The following KAT6B variants were observed in gnomAD, a reference collection of about 807,000 sequenced individuals.
KAT6B encodes lysine acetyltransferase 6B, also known as histone acetyltransferase KAT6B.
KAT6B carries 10 observed loss-of-function variants against 187.5 expected under a neutral mutation model. The observed-to-expected ratio is 0.05, with a 90% CI of 0.03 to 0.09. The LOEUF (loss-of-function observed/expected upper bound fraction) is 0.09. KAT6B is among the 10% of genes least tolerant of loss of function. The pLI is 1.00. For synonymous variants in KAT6B, 861 were observed against 926.8 expected, an observed-to-expected ratio of 0.93 and a Z score of 1.29; for missense variants, 1,952 against 2,558.9, an observed-to-expected ratio of 0.76 and a Z score of 5.12.
chr10:74,942,155 A>G (rs529740306), intron 3 of KAT6B, among the ~76,000 whole-genome samples: 2 of 152,172 alleles, frequency 1.3e-5, no homozygotes, highest in Admixed American at 6.5e-5. Flanking sequence ...GTCTCAAGAA[A>G]TAAAATAAAA....
At chr10:74,937,244 GC>G (rs1350669063) in intron 3 of KAT6B, among the ~76,000 whole-genome samples, 1 of 152,146 alleles carries the variant, frequency 6.6e-6, no homozygotes, top group East Asian at 1.9e-4. Flanking sequence ...AGCCAAATAT[GC>G]TGGAATTCAT....
At chr10:74,973,879 T>C (rs962107457) in intron 7 of KAT6B, among the ~76,000 whole-genome samples, 2 of 152,184 alleles carry the variant, frequency 1.3e-5, no homozygotes, top group Non-Finnish European at 2.9e-5. Flanking sequence ...CAGGGCCCAA[T>C]TAAAAAAACC....
At chr10:74,947,457 CT>C (rs1346113157) in intron 3 of KAT6B, among the ~76,000 whole-genome samples, 2 of 152,132 alleles carry the variant, frequency 1.3e-5, no homozygotes, top group African/African-American at 4.8e-5. Flanking sequence ...AATTTAGAAA[CT>C]GATAAGAAAG....
chr10:74,921,837 GT>G (rs1848157821), intron 3 of KAT6B, among the ~76,000 whole-genome samples: 1 of 152,232 alleles, frequency 6.6e-6, no homozygotes, highest in Non-Finnish European at 1.5e-5. Flanking sequence ...TGACAGCTCA[GT>G]TGCTTAGAGC....
chr10:74,967,035 T>TA (rs1841526871), intron 4 of KAT6B, among the ~76,000 whole-genome samples: 1 of 126,956 alleles, frequency 7.9e-6, no homozygotes, highest in African/African-American at 3.0e-5. Context: ...GTCTCAAAAA[T>TA]AAAAAAATAG....
At chr10:74,826,040 CCGCCCGCGCG>C, upstream of KAT6B, among the ~76,000 whole-genome samples, 2 of 151,610 alleles carry the variant, frequency 1.3e-5, no homozygotes, top group East Asian at 3.9e-4. Flanking sequence ...CTTCGCGTGC[CCGCCCGCGCG>C]CGCCCGCCCG....
At chr10:74,901,348 T>C (rs1846383724) in intron 3 of KAT6B, among the ~76,000 whole-genome samples, 1 of 152,260 alleles carries the variant, frequency 6.6e-6, no homozygotes, top group Non-Finnish European at 1.5e-5. Flanking sequence ...CTGTAAAGTA[T>C]GTAGTGACCT....
rs118126330 is a variant in KAT6B at position 74,840,328 on chromosome 10, T to A, written c.-259+1576T>A. On this transcript the variant is annotated intron_variant, in intron 2 of 17. Transcript: ENST00000287239. ...GGTTAAGAAACTGGGATATGAGTGG[T>A]CTAAGTTATGGCTGGAGGTAGCATG... Among the ~76,000 whole-genome samples, 200 of 152,314 alleles carry A rather than the reference T, an allele frequency of 1.3e-3. 3 individuals are homozygous for A. In the East Asian group the frequency reaches 0.028, roughly 22 times the overall value.
intron 3 of KAT6B, among the ~76,000 whole-genome samples, chr10:74,860,944 C>G (rs1409922692): frequency 6.6e-6 from 1 of 152,092 alleles, no homozygotes; most frequent in East Asian, 1.9e-4. Context: ...TCGAGACCAG[C>G]CTGACCAACA....
At chr10:74,994,264 T>G (rs992127875) in intron 13 of KAT6B, among the ~76,000 whole-genome samples, 9 of 152,222 alleles carry the variant, frequency 5.9e-5, no homozygotes, top group Admixed American at 4.6e-4. Context: ...TTACCATGAT[T>G]GATTTTGATG....
intron 3 of KAT6B, among the ~76,000 whole-genome samples, chr10:74,890,451 C>T (rs1564545259): frequency 6.6e-6 from 1 of 151,964 alleles, no homozygotes; most frequent in African/African-American, 2.4e-5. Context: ...CCAGCCTGGC[C>T]AACAATGCAA....
At chr10:74,828,384 G>T (rs1310033183) in intron 1 of KAT6B, among the ~76,000 whole-genome samples, 1 of 152,008 alleles carries the variant, frequency 6.6e-6, no homozygotes, top group African/African-American at 2.4e-5. Context: ...TGGACAGAAG[G>T]TGGAAATAGC....
chr10:74,955,427 G>C (rs1840617562), intron 3 of KAT6B, among the ~76,000 whole-genome samples: 1 of 142,128 alleles, frequency 7.0e-6, no homozygotes, highest in Admixed American at 7.2e-5. Flanking sequence ...GTAAAGATGA[G>C]GAAAAATTAT....
chr10:74,987,739 A>G (rs1325148740), intron 12 of KAT6B, among the ~76,000 whole-genome samples: 2 of 152,250 alleles, frequency 1.3e-5, no homozygotes, highest in Admixed American at 1.3e-4. Context: ...AAGGATCACT[A>G]CTATGTTGGA....
chr10:74,945,667 CTCCA>C (rs1839897337), intron 3 of KAT6B, among the ~76,000 whole-genome samples: 1 of 152,090 alleles, frequency 6.6e-6, no homozygotes, highest in Admixed American at 6.5e-5. Context: ...TCAGGCTGGT[CTCCA>C]ACTCCTGAGC....
chr10:74,908,544 C>T (rs1236176733), intron 3 of KAT6B, among the ~76,000 whole-genome samples: 15 of 114,992 alleles, frequency 1.3e-4, no homozygotes, highest in African/African-American at 4.4e-4. Flanking sequence ...AGCCAGACCC[C>T]GTCTCAAAAA....
intron 3 of KAT6B, among the ~76,000 whole-genome samples, chr10:74,886,812 G>A (rs2132588695): frequency 6.6e-6 from 1 of 152,276 alleles, no homozygotes; most frequent in Non-Finnish European, 1.5e-5. Flanking sequence ...CACTGACCCA[G>A]GAACCAGAGC....
chr10:74,999,669 C>T (rs1021542167), intron 13 of KAT6B, among the ~76,000 whole-genome samples: 5 of 152,072 alleles, frequency 3.3e-5, no homozygotes, highest in Non-Finnish European at 5.9e-5. Flanking sequence ...GCACTGTTAC[C>T]GGAATTACAC....
At chr10:74,903,329 G>T (rs1846532459) in intron 3 of KAT6B, among the ~76,000 whole-genome samples, 1 of 152,322 alleles carries the variant, frequency 6.6e-6, no homozygotes, top group South Asian at 2.1e-4. Flanking sequence ...TACCTTGCTT[G>T]GCAGAGGGAG....
Sources: allele counts gnomAD v4.1 joint callset (sites outside exome capture counted in the v4.1 genomes callset), GRCh38; gene constraint gnomAD v4.1.1; transcripts MANE v1.5; gene names NCBI Gene and HGNC (gene_info 2026-07-23, HGNC 2026-07-21).